ZBTB7C: variants seen among roughly 807,000 people sequenced by gnomAD.
ZBTB7C encodes zinc finger and BTB domain containing 7C.
In ZBTB7C, 8 loss-of-function variants were observed where a neutral mutation model predicts 25.7. The ratio of observed to expected loss-of-function variants is 0.31; its 90% confidence interval spans 0.18 to 0.56. ZBTB7C has a LOEUF of 0.56. ZBTB7C is among the 20% of genes least tolerant of loss of function. The pLI, the probability that ZBTB7C is intolerant of heterozygous loss-of-function variation, is 0.91. For synonymous variants in ZBTB7C, 394 were observed against 369.0 expected, an observed-to-expected ratio of 1.07 and a Z score of -0.78; for missense variants, 824 against 855.2, an observed-to-expected ratio of 0.96 and a Z score of 0.46.
intron 1 of ZBTB7C, among the ~76,000 whole-genome samples, chr18:48,366,427 A>G (rs1281153526): frequency 2.0e-5 from 3 of 152,258 alleles, no homozygotes; most frequent in African/African-American, 7.2e-5. Context: ...ATTTTTTAAT[A>G]AAGGGCTACA....
intron 1 of ZBTB7C, among the ~76,000 whole-genome samples, chr18:48,352,918 G>A (rs2046897273): frequency 1.3e-5 from 2 of 152,130 alleles, no homozygotes; most frequent in Admixed American, 1.3e-4. Context: ...ACCAGTGGTA[G>A]CCCTGGGCAG....
At chr18:48,149,770 A>T (rs2040613702) in intron 3 of ZBTB7C, 1 of 151,688 alleles carries the variant, frequency 6.6e-6, no homozygotes, top group East Asian at 1.9e-4. Flanking sequence ...TTGTGCTAAG[A>T]ACTTTGCATG....
chr18:48,171,905 T>A (rs2041494688), intron 3 of ZBTB7C, among the ~76,000 whole-genome samples: 1 of 152,240 alleles, frequency 6.6e-6, no homozygotes, highest in African/African-American at 2.4e-5. Context: ...ACTTCAAGCT[T>A]AATCCTTCCA....
chr18:48,094,871 TA>T (rs1213508485), intron 3 of ZBTB7C, among the ~76,000 whole-genome samples: 1 of 152,200 alleles, frequency 6.6e-6, no homozygotes, highest in Non-Finnish European at 1.5e-5. Context: ...TGAATGGTTC[TA>T]CCTGGATGCA....
At chr18:48,308,653 G>A (rs1432970468) in intron 2 of ZBTB7C, among the ~76,000 whole-genome samples, 1 of 152,254 alleles carries the variant, frequency 6.6e-6, no homozygotes, top group African/African-American at 2.4e-5. Context: ...GGGTTTCTAA[G>A]CATTTACTGT....
chr18:48,115,927 G>C (rs976041894), intron 3 of ZBTB7C, among the ~76,000 whole-genome samples: 1 of 152,024 alleles, frequency 6.6e-6, no homozygotes, highest in Non-Finnish European at 1.5e-5. Flanking sequence ...GGGAGACCAA[G>C]GGCCTCGAAG....
intron 4 of ZBTB7C, 32 bp downstream of exon 4, chr18:48,039,868 C>A (rs755121564): frequency 1.2e-6 from 2 of 1,602,648 alleles, no homozygotes; most frequent in African/African-American, 1.3e-5. Context: ...CCTCTGGCCC[C>A]GTGCCCCACA....
intron 4 of ZBTB7C, among the ~76,000 whole-genome samples, chr18:48,038,242 G>A (rs1167723966): frequency 6.6e-6 from 1 of 152,120 alleles, no homozygotes; most frequent in South Asian, 2.1e-4. Flanking sequence ...TAAGGGCAAG[G>A]GAACACATCC....
Position 48,231,535 on chromosome 18 carries a change from C to T in ZBTB7C, c.-78-45540G>A, listed in dbSNP as rs145566918. On this transcript the variant is annotated intron_variant, in intron 2 of 4. Transcript: ENST00000590800. ...AACCTGCCTGTGGAGAGGAACTACACGCTGTGGGTCTCCTCTGAGCTGCTC... is the reference window on the plus strand; with the variant it reads ...AACCTGCCTGTGGAGAGGAACTACATGCTGTGGGTCTCCTCTGAGCTGCTC... Among the ~76,000 whole-genome samples, 332 of 152,302 alleles carry T rather than the reference C, an allele frequency of 2.2e-3. 6 individuals are homozygous for T. The East Asian group carries it at 0.044, about 20-fold the overall frequency.
intron 3 of ZBTB7C, among the ~76,000 whole-genome samples, chr18:48,052,220 C>T (rs1457272074): frequency 6.6e-6 from 1 of 152,126 alleles, no homozygotes; most frequent in Non-Finnish European, 1.5e-5. Context: ...GAGGGTGGGG[C>T]TGTGGTGGAA....
intron 1 of ZBTB7C, among the ~76,000 whole-genome samples, chr18:48,340,090 A>C (rs1039757337): frequency 6.6e-6 from 1 of 152,216 alleles, no homozygotes; most frequent in African/African-American, 2.4e-5. Context: ...AAAAATGAAA[A>C]CAACTCATAG....
chr18:48,038,461 A>G (rs2144130044), intron 4 of ZBTB7C, among the ~76,000 whole-genome samples: 1 of 149,996 alleles, frequency 6.7e-6, no homozygotes, highest in South Asian at 2.1e-4. Context: ...TGTCACCTGA[A>G]TGGATTTCTG....
intron 2 of ZBTB7C, among the ~76,000 whole-genome samples, chr18:48,313,215 T>A (rs1568369578): frequency 1.3e-5 from 2 of 152,204 alleles, no homozygotes; most frequent in Admixed American, 6.5e-5. Context: ...CAGTTGTGGC[T>A]GTCATGCTCA....
intron 3 of ZBTB7C, among the ~76,000 whole-genome samples, chr18:48,144,424 G>GC (rs1470133663): frequency 6.6e-6 from 1 of 152,026 alleles, no homozygotes; most frequent in African/African-American, 2.4e-5. Context: ...GCTCATTGCA[G>GC]CCTCAACCTC....
At chr18:48,315,173 C>CAGGT (rs1395827356) in intron 2 of ZBTB7C, among the ~76,000 whole-genome samples, 3 of 152,204 alleles carry the variant, frequency 2.0e-5, no homozygotes, top group African/African-American at 4.8e-5. Context: ...CTGCATAAAG[C>CAGGT]AGGTACCTAG....
intron 2 of ZBTB7C, among the ~76,000 whole-genome samples, chr18:48,241,020 G>A (rs900545820): frequency 1.3e-5 from 2 of 151,950 alleles, no homozygotes; most frequent in African/African-American, 2.4e-5. Context: ...CTCCATGCAA[G>A]TGGACACCAA....
At chr18:48,411,902 G>C (rs141436814), upstream of ZBTB7C, among the ~76,000 whole-genome samples, 38 of 152,350 alleles carry the variant, frequency 2.5e-4, no homozygotes, top group African/African-American at 8.7e-4. Context: ...AGTGAGTGCT[G>C]TAAGATTTAT....
intron 2 of ZBTB7C, among the ~76,000 whole-genome samples, chr18:48,204,787 C>G (rs969882499): frequency 6.6e-6 from 1 of 152,196 alleles, no homozygotes; most frequent in Non-Finnish European, 1.5e-5. Flanking sequence ...CACATCCCAG[C>G]TATACCCCTG....
chr18:48,165,353 A>G, intron 3 of ZBTB7C: 1 of 391,664 alleles, frequency 2.6e-6, no homozygotes, highest in Admixed American at 2.9e-5. Flanking sequence ...ATGAGTGTCC[A>G]GTGATGAGCA....
Sources: gnomAD v4.1 joint callset for allele counts (sites outside exome capture counted in the v4.1 genomes callset) on GRCh38, gnomAD v4.1.1 for gene constraint, MANE v1.5 for transcripts, NCBI Gene and HGNC (gene_info 2026-07-23, HGNC 2026-07-21) for gene names.